POFUT3: variants seen among roughly 807,000 people sequenced by gnomAD.
The protein encoded by POFUT3 is GDP-fucose protein O-fucosyltransferase 3.
At chr8:33,453,058 TAA>T in the POFUT3 span, 1 of 684,214 alleles carries the variant, frequency 1.5e-6, no homozygotes, top group Non-Finnish European at 2.5e-6. Flanking sequence ...TTGTGTCTGC[TAA>T]ATGCTCAGGC....
the POFUT3 span, among the ~76,000 whole-genome samples, chr8:33,387,810 AAAG>A: frequency 4.3e-4 from 65 of 152,326 alleles, no homozygotes; most frequent in African/African-American, 1.4e-3. Flanking sequence ...TCTCAAAAAA[AAAG>A]AAGAACAAGA....
the POFUT3 span, among the ~76,000 whole-genome samples, chr8:33,402,475 G>A: frequency 6.6e-6 from 1 of 152,080 alleles, no homozygotes; most frequent in Admixed American, 6.6e-5. Context: ...TACCCAAGAG[G>A]GAAACAGCAC....
At chr8:33,472,049 C>G in the POFUT3 span, among the ~76,000 whole-genome samples, 464 of 152,270 alleles carry the variant, frequency 3.0e-3, 1 homozygote, top group Non-Finnish European at 3.7e-3. Context: ...CAGGGAGAAA[C>G]CCTGCCCTAG....
the POFUT3 span, among the ~76,000 whole-genome samples, chr8:33,392,314 A>G: frequency 6.6e-6 from 1 of 152,120 alleles, no homozygotes; most frequent in African/African-American, 2.4e-5. Flanking sequence ...AATGGCTCAC[A>G]CCTATAATCC....
At chr8:33,356,943 G>T in the POFUT3 span, among the ~76,000 whole-genome samples, 43 of 152,136 alleles carry the variant, frequency 2.8e-4, 1 homozygote, top group South Asian at 7.9e-3. Context: ...TTTCCCCATT[G>T]CTTGTTTTTC....
At chr8:33,469,714 A>G in the POFUT3 span, among the ~76,000 whole-genome samples, 2 of 152,208 alleles carry the variant, frequency 1.3e-5, no homozygotes, top group Non-Finnish European at 1.5e-5. Context: ...TTGATGTAGA[A>G]ACTAAAAACA....
the POFUT3 span, among the ~76,000 whole-genome samples, chr8:33,458,837 C>A: frequency 6.6e-6 from 1 of 152,176 alleles, no homozygotes; most frequent in Non-Finnish European, 1.5e-5. Context: ...AGGAAAGAGA[C>A]ACATGTTGCC....
the POFUT3 span, among the ~76,000 whole-genome samples, chr8:33,311,941 G>A: frequency 3.9e-5 from 6 of 152,130 alleles, no homozygotes; most frequent in Non-Finnish European, 8.8e-5. Flanking sequence ...ATTAAGGCAG[G>A]CTCTAATTCA....
At chr8:33,467,679 C>T in the POFUT3 span, among the ~76,000 whole-genome samples, 955 of 152,282 alleles carry the variant, frequency 6.3e-3, 8 homozygotes, top group African/African-American at 0.022. Context: ...TACTCTTGCA[C>T]GTGCTATGCC....
chr8:33,457,322 C>A, the POFUT3 span, among the ~76,000 whole-genome samples: 1 of 151,924 alleles, frequency 6.6e-6, no homozygotes, highest in Non-Finnish European at 1.5e-5. Flanking sequence ...GGTGGCATGC[C>A]CTGTCTCTCC....
the POFUT3 span, among the ~76,000 whole-genome samples, chr8:33,344,189 G>C: frequency 6.6e-6 from 1 of 152,102 alleles, no homozygotes; most frequent in Non-Finnish European, 1.5e-5. Context: ...TAAGTTTTGT[G>C]TGCCTTTTTC....
chr8:33,339,995 T>A, the POFUT3 span, among the ~76,000 whole-genome samples: 1 of 152,150 alleles, frequency 6.6e-6, no homozygotes, highest in African/African-American at 2.4e-5. Context: ...ACCCTCAAGT[T>A]TTCTAATTTA....
At chr8:33,311,063 T>C in the POFUT3 span, among the ~76,000 whole-genome samples, 1 of 152,206 alleles carries the variant, frequency 6.6e-6, no homozygotes, top group Admixed American at 6.5e-5. Flanking sequence ...AACATATCCT[T>C]GATAATATCC....
At chr8:33,359,822 A>C in the POFUT3 span, among the ~76,000 whole-genome samples, 1 of 152,014 alleles carries the variant, frequency 6.6e-6, no homozygotes, top group Non-Finnish European at 1.5e-5. Flanking sequence ...CCTGGCCAAC[A>C]TGGTGAAACC....
chr8:33,369,045 C>T, the POFUT3 span, among the ~76,000 whole-genome samples: 116 of 152,282 alleles, frequency 7.6e-4, no homozygotes, highest in Non-Finnish European at 1.1e-3. Flanking sequence ...GTGTACCACC[C>T]CAGGTACTAT....
chr8:33,468,834 A>G, the POFUT3 span, among the ~76,000 whole-genome samples: 1 of 152,112 alleles, frequency 6.6e-6, no homozygotes, highest in African/African-American at 2.4e-5. Context: ...AAAGACCTCA[A>G]GATAAAAATA....
At chr8:33,393,322 G>A in the POFUT3 span, among the ~76,000 whole-genome samples, 12 of 152,326 alleles carry the variant, frequency 7.9e-5, no homozygotes, top group South Asian at 2.1e-3. Context: ...ATTCCTCTGG[G>A]TTATTTTGTG....
chr8:33,428,584 C>T, the POFUT3 span, among the ~76,000 whole-genome samples: 506 of 152,244 alleles, frequency 3.3e-3, no homozygotes, highest in African/African-American at 0.012. Context: ...ATTAGTACAG[C>T]TTTTAAACAT....
chr8:33,351,085 C>G, the POFUT3 span, among the ~76,000 whole-genome samples: 1 of 151,968 alleles, frequency 6.6e-6, no homozygotes. Flanking sequence ...CTCCCGAGTA[C>G]CTGGGATTAC....
Sources: gnomAD v4.1 joint callset for allele counts (sites outside exome capture counted in the v4.1 genomes callset) on GRCh38, gnomAD v4.1.1 for gene constraint, MANE v1.5 for transcripts, NCBI Gene and HGNC (gene_info 2026-07-23, HGNC 2026-07-21) for gene names.